GPC3: variants seen among roughly 807,000 people sequenced by gnomAD.
GPC3 encodes glypican 3.
In GPC3, 3 loss-of-function variants were observed where a neutral mutation model predicts 34.4. That is an observed-to-expected ratio of 0.09 (90% CI 0.04 to 0.23). The LOEUF (loss-of-function observed/expected upper bound fraction) is 0.23, where lower values mean the gene tolerates loss of function less well. Ranked by LOEUF, GPC3 falls within the 10% of genes least tolerant of loss-of-function variation. The pLI, the probability that GPC3 is intolerant of heterozygous loss-of-function variation, is 1.00. For synonymous variants in GPC3, 177 were observed against 174.0 expected (o/e 1.02, Z -0.13); for missense variants, 351 against 445.6 (o/e 0.79, Z 1.91).
At chrX:133,779,350 A>ATAC (rs2072021259) in intron 2 of GPC3, among the ~76,000 whole-genome samples, 1 of 112,250 alleles carries the variant, frequency 8.9e-6, no homozygotes, top group Non-Finnish European at 1.9e-5. Flanking sequence ...GACAGTTATA[A>ATAC]TACAGTAGTT....
chrX:133,971,668 G>A (rs2076494343), intron 1 of GPC3, among the ~76,000 whole-genome samples: 1 of 111,151 alleles, frequency 9.0e-6, no homozygotes, highest in Admixed American at 9.6e-5. Flanking sequence ...TCAGTTGAGA[G>A]AGGGTGTGAG....
intron 7 of GPC3, among the ~76,000 whole-genome samples, chrX:133,594,210 C>A (rs1247514649): frequency 1.8e-5 from 2 of 112,191 alleles, no homozygotes; most frequent in Non-Finnish European, 3.8e-5. Context: ...AGAGAAGAAG[C>A]AAAGATGGCT....
chrX:133,696,079 A>T (rs1168997784), intron 4 of GPC3, among the ~76,000 whole-genome samples: 1 of 110,385 alleles, frequency 9.1e-6, no homozygotes, highest in Non-Finnish European at 1.9e-5. Context: ...GTAGATCTCC[A>T]GCACAGTTCT....
chrX:133,570,901 A>G (rs752139755), intron 7 of GPC3, among the ~76,000 whole-genome samples: 1 of 111,662 alleles, frequency 9.0e-6, no homozygotes, highest in African/African-American at 3.2e-5. Context: ...ACTCAAAAAA[A>G]AATCTCACAG....
At chrX:133,766,012 T>C (rs2071840918) in intron 2 of GPC3, among the ~76,000 whole-genome samples, 2 of 112,028 alleles carry the variant, frequency 1.8e-5, no homozygotes, top group Non-Finnish European at 3.8e-5. Context: ...TAAGACTCAC[T>C]GCCTACTCTC....
At chrX:133,720,283 C>T (rs1461067480) in intron 3 of GPC3, among the ~76,000 whole-genome samples, 2 of 112,166 alleles carry the variant, frequency 1.8e-5, no homozygotes. Flanking sequence ...AACCTAAATG[C>T]CTGATATGGT....
intron 2 of GPC3, among the ~76,000 whole-genome samples, chrX:133,944,488 G>A (rs747019233): frequency 9.0e-6 from 1 of 111,226 alleles, no homozygotes; most frequent in Non-Finnish European, 1.9e-5. Flanking sequence ...TAGATCTAGA[G>A]GCTACTTTAA....
At chrX:133,627,314 A>T (rs2070315302) in intron 6 of GPC3, among the ~76,000 whole-genome samples, 1 of 111,354 alleles carries the variant, frequency 9.0e-6, no homozygotes, top group Admixed American at 9.5e-5. Flanking sequence ...AAAAGTATAA[A>T]AAAAAAGAGT....
chrX:133,672,377 C>CA (rs1441248699), intron 5 of GPC3, among the ~76,000 whole-genome samples: 1 of 111,924 alleles, frequency 8.9e-6, no homozygotes, highest in Non-Finnish European at 1.9e-5. Context: ...GACACTAGGC[C>CA]AGAGCAGTGT....
chrX:133,881,258 A>C (rs903634565), intron 2 of GPC3, among the ~76,000 whole-genome samples: 2 of 111,723 alleles, frequency 1.8e-5, no homozygotes, highest in African/African-American at 6.5e-5. Flanking sequence ...ACTCATCTAG[A>C]GACACAGACA....
chrX:133,571,975 A>G (rs1417490753), intron 7 of GPC3, among the ~76,000 whole-genome samples: 2 of 111,828 alleles, frequency 1.8e-5, no homozygotes, highest in Non-Finnish European at 3.8e-5. Flanking sequence ...TAAGCTGAAA[A>G]AGTACTTTAT....
intron 2 of GPC3, among the ~76,000 whole-genome samples, chrX:133,825,763 T>C (rs1424676358): frequency 8.9e-6 from 1 of 112,218 alleles, no homozygotes; most frequent in Non-Finnish European, 1.9e-5. Flanking sequence ...GTCTTACTTA[T>C]GGTTGACCTT....
intron 1 of GPC3, among the ~76,000 whole-genome samples, chrX:133,981,119 A>G (rs1466419010): frequency 2.7e-5 from 3 of 112,544 alleles, no homozygotes; most frequent in Non-Finnish European, 3.7e-5. Flanking sequence ...CCCTATTAAG[A>G]GACTTCTCCC....
intron 4 of GPC3, among the ~76,000 whole-genome samples, chrX:133,696,244 T>G (rs1376837960): frequency 8.9e-6 from 1 of 112,269 alleles, no homozygotes; most frequent in Non-Finnish European, 1.9e-5. Flanking sequence ...TTTTCGAGGG[T>G]AGGGAAGAAG....
chrX:133,907,691 C>A (rs2076175549), intron 2 of GPC3, among the ~76,000 whole-genome samples: 2 of 111,500 alleles, frequency 1.8e-5, no homozygotes, highest in South Asian at 7.5e-4. Flanking sequence ...TACTATGGAA[C>A]ATTTTGATTG....
At position 133,754,180 on chromosome X, in the gene GPC3, T is replaced by TAAAA; in HGVS notation, c.338-8_338-5dup. 16 of 945,183 alleles carry TAAAA rather than the reference T, an allele frequency of 1.7e-5. No individual in the cohort carries two copies. Among genetic ancestry groups the TAAAA allele is most frequent in the Non-Finnish European group, 2.3e-5 (16 of 693,815 alleles). 77.9% of individuals were successfully genotyped at this position (945,183 alleles called of 1,213,427 possible). A position where few individuals can be genotyped will look rare whatever the true frequency, so the allele number is the denominator to read the frequency against. ...CGAACAACAATTTCAAAGGCCTCTG[T>TAAAA]AAAAAAAAAAAAAAAAGAGACACAA... is the stretch of plus-strand genomic sequence containing the variant. On this transcript the variant is annotated splice_region_variant and splice_polypyrimidine_tract_variant and intron_variant, in intron 2 of 7. Coordinates refer to ENST00000370818, the MANE Select transcript of GPC3 (RefSeq NM_004484.4).
chrX:133,739,662 A>T (rs1427447300), intron 3 of GPC3, among the ~76,000 whole-genome samples: 2 of 109,935 alleles, frequency 1.8e-5, no homozygotes, highest in Non-Finnish European at 3.8e-5. Flanking sequence ...CCTGGGCAAC[A>T]TAGCAAGACC....
intron 2 of GPC3, among the ~76,000 whole-genome samples, chrX:133,901,392 A>T (rs897924347): frequency 9.0e-6 from 1 of 111,060 alleles, no homozygotes; most frequent in African/African-American, 3.3e-5. Flanking sequence ...ACATACACAT[A>T]TTTCTTTTTA....
At chrX:133,799,792 T>C (rs1398110603) in intron 2 of GPC3, among the ~76,000 whole-genome samples, 1 of 111,486 alleles carries the variant, frequency 9.0e-6, no homozygotes, top group African/African-American at 3.3e-5. Flanking sequence ...TGAGAACATA[T>C]GGTAACTTAA....
Sources: allele counts gnomAD v4.1 joint callset (sites outside exome capture counted in the v4.1 genomes callset), GRCh38; gene constraint gnomAD v4.1.1; transcripts MANE v1.5; gene names NCBI Gene and HGNC (gene_info 2026-07-23, HGNC 2026-07-21).